Variants in CHD9 observed in about 807,000 individuals in gnomAD.
The protein encoded by CHD9 is ATP-dependent chromatin remodeler CHD9.
In CHD9, 77 loss-of-function variants were observed where a neutral mutation model predicts 316.1. The observed-to-expected ratio is 0.24, with a 90% CI of 0.20 to 0.29. CHD9 has a LOEUF of 0.29. Among genes scored for constraint, CHD9 ranks in the 10% least tolerant of loss-of-function variants. The pLI, the probability that CHD9 is intolerant of heterozygous loss-of-function variation, is 1.00. For missense variants in CHD9, 2,763 were observed against 3,438.1 expected (o/e 0.80, Z 4.91); for synonymous variants, 1,129 against 1,158.3 (o/e 0.97, Z 0.51).
chr16:53,304,205 G>C lies in CHD9; in HGVS notation c.6199G>C (p.Val2067Leu). ...TTCTGAAGAAGAATCTATGTCTTCTGTGGAAACCAGGACACTAATAAAATC... is the reference window on the plus strand; with the variant it reads ...TTCTGAAGAAGAATCTATGTCTTCTCTGGAAACCAGGACACTAATAAAATC... ...QSSEEESMSS[V>L]ETRTLIKSEP... The change falls in exon 31 of 39, where the codon GTG becomes CTG. Residue 2067 changes from valine to leucine, a missense_variant. This residue lies in a region of CHD9 where 663 missense variants were observed against 751.2 expected (regional missense o/e 0.88). Coordinates refer to ENST00000447540, the MANE Select transcript of CHD9 (RefSeq NM_001308319.2). 1 of 1,611,372 alleles carries C rather than the reference G, an allele frequency of 6.2e-7. No homozygotes were observed. Among genetic ancestry groups the C allele is most frequent in the Non-Finnish European group, 8.5e-7 (1 of 1,178,624 alleles).
At chr16:53,189,008 G>A (rs1404566223) in intron 2 of CHD9, among the ~76,000 whole-genome samples, 3 of 151,266 alleles carry the variant, frequency 2.0e-5, no homozygotes, top group African/African-American at 7.3e-5. Context: ...CTCTTATCAG[G>A]TTTTTTAAAT....
intron 2 of CHD9, among the ~76,000 whole-genome samples, chr16:53,183,025 C>A (rs1428956423): frequency 6.6e-6 from 1 of 152,176 alleles, no homozygotes; most frequent in African/African-American, 2.4e-5. Context: ...AACAACGATT[C>A]ACCTTCATAA....
At chr16:53,238,148 G>A (rs564221615) in intron 11 of CHD9, among the ~76,000 whole-genome samples, 195 bp from the exon 12 acceptor site, 2 of 151,880 alleles carry the variant, frequency 1.3e-5, no homozygotes, top group East Asian at 3.9e-4. Context: ...CCTTATTTTG[G>A]AGCTATAGAA....
At chr16:53,260,486 A>T (rs2050986752) in intron 19 of CHD9, among the ~76,000 whole-genome samples, 1 of 152,208 alleles carries the variant, frequency 6.6e-6, no homozygotes, top group Non-Finnish European at 1.5e-5. Flanking sequence ...CTCAAAAAAA[A>T]AAAGTTGAAT....
intron 27 of CHD9, among the ~76,000 whole-genome samples, chr16:53,290,028 C>T (rs1237563133): frequency 6.6e-6 from 1 of 152,160 alleles, no homozygotes; most frequent in Non-Finnish European, 1.5e-5. Context: ...AATCCCAGCA[C>T]TTTGGGAGGC....
At chr16:53,123,649 A>G (rs943273218) in intron 1 of CHD9, among the ~76,000 whole-genome samples, 1 of 151,952 alleles carries the variant, frequency 6.6e-6, no homozygotes, top group African/African-American at 2.4e-5. Flanking sequence ...TTATAGATGC[A>G]CACCACAACG....
intron 13 of CHD9, among the ~76,000 whole-genome samples, chr16:53,244,608 CTT>C (rs1162122236): frequency 6.6e-6 from 1 of 152,134 alleles, no homozygotes; most frequent in African/African-American, 2.4e-5. Flanking sequence ...GATGAGCACT[CTT>C]TGGTATACAA....
intron 1 of CHD9, among the ~76,000 whole-genome samples, chr16:53,114,537 C>T (rs79365706): frequency 1.3e-5 from 2 of 151,748 alleles, no homozygotes; most frequent in African/African-American, 2.4e-5. Context: ...GGATTACAGG[C>T]GTGAGCCACT....
chr16:53,318,322 C>T lies in CHD9; in HGVS notation c.7695C>T (p.Asn2565=). 2 of 1,601,540 alleles carry T rather than the reference C, an allele frequency of 1.2e-6. No individual in the cohort carries two copies. Among genetic ancestry groups the T allele is most frequent in the Non-Finnish European group, 1.7e-6 (2 of 1,175,684 alleles). ...GAGAAGAACGTGTTCAACTGATTAA[C>T]AGAAGAAATGCTAGAAAGGTATTTT... The part of the protein sequence containing the change: ...LTGEERVQLI[N]RRNARKVGGA... The change falls in exon 37 of 39, where the codon AAC becomes AAT. Residue 2565 remains asparagine, a synonymous_variant. Coordinates refer to ENST00000447540, the MANE Select transcript of CHD9 (RefSeq NM_001308319.2).
At chr16:53,318,190 T>C in intron 36 of CHD9, 22 bp from the exon 37 acceptor site, 4 of 1,583,030 alleles carry the variant, frequency 2.5e-6, no homozygotes, top group Admixed American at 1.9e-5. Flanking sequence ...TTTAAAGATA[T>C]GTCTTTATCT....
chr16:53,244,512 C>T (rs751598484), intron 13 of CHD9, among the ~76,000 whole-genome samples: 5 of 152,006 alleles, frequency 3.3e-5, no homozygotes, highest in African/African-American at 1.2e-4. Context: ...TTCAATTAGA[C>T]CTTTACGTTC....
At chr16:53,249,098 T>C (rs1365151420) in intron 16 of CHD9, among the ~76,000 whole-genome samples, 2 of 152,134 alleles carry the variant, frequency 1.3e-5, no homozygotes, top group African/African-American at 4.8e-5. Flanking sequence ...CAGATAAAAT[T>C]ACTTATCAAT....
At position 53,324,421 on chromosome 16, in the gene CHD9, A is replaced by G; in HGVS notation, c.8220A>G (p.Glu2740=). 4 of 1,614,018 alleles carry G rather than the reference A, an allele frequency of 2.5e-6. No individual in the cohort carries two copies. The highest frequency in any genetic ancestry group is 2.5e-6 in the Non-Finnish European group (3 of 1,179,886). The stretch of plus-strand genomic sequence containing the variant: ...CAAAGCCTACGGAATCTGGGACAGA[A>G]GACAAAAAGGGAAGTGACTCTAAGG... ...LLTKPTESGT[E]DKKGSDSKES... The change falls in exon 39 of 39, where the codon GAA becomes GAG. Residue 2740 remains glutamate (E), a synonymous_variant. Coordinates refer to ENST00000447540, the MANE Select transcript of CHD9 (RefSeq NM_001308319.2).
At chr16:53,199,708 C>A (rs1469603686) in intron 2 of CHD9, among the ~76,000 whole-genome samples, 1 of 152,164 alleles carries the variant, frequency 6.6e-6, no homozygotes, top group Non-Finnish European at 1.5e-5. Context: ...CATGTAGTTT[C>A]CATTTGCTTC....
Position 53,060,599 on chromosome 16 carries a change from A to T in CHD9, c.-165+5522A>T, listed in dbSNP as rs146238120. Among the ~76,000 whole-genome samples, 3 of 152,256 alleles carry T rather than the reference A, an allele frequency of 2.0e-5. No homozygotes were observed. In the East Asian group the frequency reaches 5.8e-4, roughly 29 times the overall value. ...ATAGCAAGACCCCATATCTACAAAA[A>T]AATGAAAAATTAGCCAGGTGTGGTG... On this transcript the variant is annotated intron_variant, in intron 1 of 38. Transcript: ENST00000447540.
At chr16:53,150,687 G>C (rs1466313792) in intron 1 of CHD9, among the ~76,000 whole-genome samples, 2 of 152,010 alleles carry the variant, frequency 1.3e-5, no homozygotes, top group East Asian at 3.9e-4. Context: ...AACTCCTTTA[G>C]CTTTTATTTA....
chr16:53,109,002 G>T (rs368845886), intron 1 of CHD9, among the ~76,000 whole-genome samples: 1 of 152,172 alleles, frequency 6.6e-6, no homozygotes, highest in African/African-American at 2.4e-5. Flanking sequence ...AAGGAGAGGG[G>T]GTGTATCTGG....
At chr16:53,319,875 AGAGG>A (rs2057146389) in intron 37 of CHD9, 1 of 1,198,864 alleles carries the variant, frequency 8.3e-7, no homozygotes, top group East Asian at 6.1e-5. Flanking sequence ...TAAACCCCCA[AGAGG>A]GCCTCCATTT....
At chr16:53,112,668 T>C (rs1054598655) in intron 1 of CHD9, among the ~76,000 whole-genome samples, 2 of 152,232 alleles carry the variant, frequency 1.3e-5, no homozygotes, top group African/African-American at 4.8e-5. Flanking sequence ...CAGTACTTTT[T>C]ATTTGCACAA....
Sources: gnomAD v4.1 joint callset for allele counts (sites outside exome capture counted in the v4.1 genomes callset) on GRCh38, gnomAD v4.1.1 for gene constraint, gnomAD v4.1.1 regional missense constraint, MANE v1.5 for transcripts, NCBI Gene and HGNC (gene_info 2026-07-23, HGNC 2026-07-21) for gene names.